KSR1: variants seen among roughly 807,000 people sequenced by gnomAD.
KSR1 encodes kinase suppressor of ras.
KSR1 carries 35 observed loss-of-function variants against 92.9 expected under a neutral mutation model. The ratio of observed to expected loss-of-function variants is 0.38; its 90% CI spans 0.29 to 0.50. The LOEUF is 0.50. KSR1 is among the 20% of genes least tolerant of loss of function. The pLI, the probability that KSR1 is intolerant of heterozygous loss-of-function variation, is 0.94. For synonymous variants in KSR1, 467 were observed against 472.6 expected (o/e 0.99, Z 0.15); for missense variants, 972 against 1,158.5 (o/e 0.84, Z 2.34).
intron 1 of KSR1, among the ~76,000 whole-genome samples, chr17:27,482,914 A>G (rs1217160725): frequency 1.1e-4 from 2 of 18,818 alleles, no homozygotes; most frequent in South Asian, 1.4e-3. Context: ...ATAAACCTAC[A>G]TGTCTCGTGT....
In KSR1 at chr17:27,559,662, A is replaced by G. The variant is rs1485407005; in HGVS notation, c.372+8954A>G. ...GGGTGAAACAGGAAGTGAGAGCCCC[A>G]GATGCCCTGATGGCTCCGGGATGGG... is the stretch of plus-strand genomic sequence containing the variant. On this transcript the variant is annotated intron_variant, in intron 2 of 20. Coordinates refer to ENST00000644974, the MANE Select transcript of KSR1 (RefSeq NM_001394583.1). The surrounding 1 kb of genome is among the most constrained non-coding windows in gnomAD (Gnocchi z 4.2). Among the ~76,000 whole-genome samples, 1 of 152,276 alleles carries G rather than the reference A, an allele frequency of 6.6e-6. No homozygotes were observed. The highest frequency in any genetic ancestry group is 1.9e-4 in the East Asian group (1 of 5,206).
intron 1 of KSR1, among the ~76,000 whole-genome samples, chr17:27,483,351 G>A (rs1434439460): frequency 3.9e-5 from 6 of 152,140 alleles, no homozygotes; most frequent in Non-Finnish European, 8.8e-5. Context: ...ACTTTGGGAG[G>A]CCAAGACGGG....
chr17:27,499,402 G>T (rs2069100386), intron 1 of KSR1, among the ~76,000 whole-genome samples: 1 of 152,208 alleles, frequency 6.6e-6, no homozygotes, highest in African/African-American at 2.4e-5. Context: ...GGAGATCAAG[G>T]CACCGGACAA....
chr17:27,512,082 C>T (rs1445272820), intron 1 of KSR1, among the ~76,000 whole-genome samples: 2 of 152,224 alleles, frequency 1.3e-5, no homozygotes, highest in African/African-American at 4.8e-5. Flanking sequence ...ATCCCCTCAT[C>T]AAGGTCCTGG....
At chr17:27,553,956 A>T (rs561941037) in intron 2 of KSR1, among the ~76,000 whole-genome samples, 62 of 152,200 alleles carry the variant, frequency 4.1e-4, no homozygotes, top group African/African-American at 1.3e-3. Flanking sequence ...GTGTGGGTCT[A>T]TTTTATTCTG....
At chr17:27,609,800 G>C (rs534125477) in intron 16 of KSR1, 6 of 399,886 alleles carry the variant, frequency 1.5e-5, no homozygotes, top group Admixed American at 1.2e-4. Flanking sequence ...CCAGCAGAGG[G>C]AGCTGGGCAC....
chr17:27,564,864 G>T (rs1242605696), intron 2 of KSR1, among the ~76,000 whole-genome samples: 1 of 151,792 alleles, frequency 6.6e-6, no homozygotes, highest in Non-Finnish European at 1.5e-5. Flanking sequence ...TTTGTCAGAG[G>T]CTTTGCAGCT....
chr17:27,467,328 C>A (rs2019743774), intron 1 of KSR1, among the ~76,000 whole-genome samples: 1 of 152,224 alleles, frequency 6.6e-6, no homozygotes, highest in Admixed American at 6.5e-5. Context: ...CTGGGCCAGG[C>A]CATAGTGATT....
rs528608610 is a variant in KSR1, at chr17:27,608,136, C to G, written c.2091+126C>G. Reference sequence around the variant, plus strand: ...GCTTTGCCTCTCCTTCTAGCTCAGGCTCCTCAAGGGTGGGACCCCATCTCT... The same window carrying G: ...GCTTTGCCTCTCCTTCTAGCTCAGGGTCCTCAAGGGTGGGACCCCATCTCT... On this transcript the variant is annotated intron_variant, in intron 15 of 20. Transcript: ENST00000644974. The G allele has an allele frequency of 2.4e-5, 16 of 661,552 alleles. No homozygotes were observed. In the African/African-American group the frequency reaches 2.9e-4, roughly 12 times the overall value. The allele number at this position is 661,552 out of a possible 1,614,324, so 41.0% of individuals were successfully genotyped here.
chr17:27,587,015 G>C (rs2072994251), intron 5 of KSR1: 1 of 152,262 alleles, frequency 6.6e-6, no homozygotes, highest in African/African-American at 2.4e-5. Flanking sequence ...CAGGATTAAA[G>C]GTGCCTGCCA....
rs529174838 is a variant in KSR1 at position 27,488,992 on chromosome 17, G to A, written c.231+32118G>A. Reference sequence around the variant, plus strand: ...AAAATTTTTTTTTAAAAAATGTCGTGTTGTCTCAGCATCTCTGACCTGTCA... The same window carrying A: ...AAAATTTTTTTTTAAAAAATGTCGTATTGTCTCAGCATCTCTGACCTGTCA... On this transcript the variant is annotated intron_variant, in intron 1 of 20. Coordinates refer to ENST00000644974, the MANE Select transcript of KSR1 (RefSeq NM_001394583.1). 2.6e-5 allele frequency among the ~76,000 whole-genome samples: 4 copies of A among 152,312 alleles called. No homozygotes were observed. In the East Asian group the frequency reaches 5.8e-4, roughly 22 times the overall value.
At chr17:27,530,652 T>G (rs1386125262) in intron 1 of KSR1, among the ~76,000 whole-genome samples, 1 of 152,194 alleles carries the variant, frequency 6.6e-6, no homozygotes, top group African/African-American at 2.4e-5. Flanking sequence ...TTATTCCCAT[T>G]CATAGCCTTA....
chr17:27,464,491 A>G (rs556297330), intron 1 of KSR1, among the ~76,000 whole-genome samples: 63 of 152,186 alleles, frequency 4.1e-4, no homozygotes, highest in Non-Finnish European at 8.4e-4. Flanking sequence ...CTGTAATCCT[A>G]TCCTGGATCC....
At chr17:27,562,166 A>G (rs2151116526) in intron 2 of KSR1, among the ~76,000 whole-genome samples, 1 of 152,258 alleles carries the variant, frequency 6.6e-6, no homozygotes, top group African/African-American at 2.4e-5. Context: ...TTTTTGATCA[A>G]TCCTTTGGAT....
At chr17:27,563,617 C>T (rs546629191) in intron 2 of KSR1, among the ~76,000 whole-genome samples, 91 of 152,306 alleles carry the variant, frequency 6.0e-4, no homozygotes, top group Non-Finnish European at 9.7e-4. Context: ...AAATCCAAAC[C>T]CTTCACCTAC....
Position 27,619,579 on chromosome 17 carries a change from G to A in KSR1, c.2628-1614G>A, listed in dbSNP as rs140631320. ...CACCCGGCTAATTTTTGTATTTTTAGTAGAGATGGGGTTTCACCATATTGG... is the reference window on the plus strand; with the variant it reads ...CACCCGGCTAATTTTTGTATTTTTAATAGAGATGGGGTTTCACCATATTGG... On this transcript the variant is annotated intron_variant, in intron 19 of 20. Transcript: ENST00000644974. Among the ~76,000 whole-genome samples, 634 of 151,792 alleles carry A rather than the reference G, an allele frequency of 4.2e-3. 6 individuals are homozygous for A. Among genetic ancestry groups the A allele is most frequent in the Middle Eastern group, 0.01 (3 of 294 alleles).
intron 1 of KSR1, among the ~76,000 whole-genome samples, chr17:27,482,709 A>T (rs2068545501): frequency 6.6e-6 from 1 of 152,222 alleles, no homozygotes; most frequent in Non-Finnish European, 1.5e-5. Context: ...TTGAGAAGAT[A>T]TTAATGATGA....
chr17:27,582,732 G>A lies in KSR1; in HGVS notation c.607G>A (p.Ala203Thr). The A allele has an allele frequency of 6.2e-7, 1 of 1,613,892 alleles. No individual in the cohort carries two copies. The highest frequency in any genetic ancestry group is 8.5e-7 in the Non-Finnish European group (1 of 1,179,854). ...AGGGCCTTCCACGGACACCCTCTCA[G>A]CAGCCAGCCTGCCCTGGCCCCCAGG... ...GSGPSTDTLS[A>T]ASLPWPPGSS... is the part of the protein sequence containing the mutation. Residue 203 changes from alanine to threonine, a missense_variant, in exon 4 of 21, where the codon GCA (alanine) becomes ACA (threonine). Around this residue, in one of 5 missense-constraint regions of KSR1, gnomAD observed 611 missense variants for 668.0 expected, o/e 0.91. Coordinates refer to ENST00000644974, the MANE Select transcript of KSR1 (RefSeq NM_001394583.1).
At position 27,467,080 on chromosome 17, in the gene KSR1, C is replaced by T. The variant is rs117554870; in HGVS notation, c.231+10206C>T. On this transcript the variant is annotated intron_variant, in intron 1 of 20. Coordinates refer to ENST00000644974, the MANE Select transcript of KSR1 (RefSeq NM_001394583.1). ...CTTGTGAGGAAGGTCTTCTCGCTGT[C>T]CCCATTTTACAGATGAAGAAACTGA... Among the ~76,000 whole-genome samples the T allele has an allele frequency of 8.7e-3, 1,331 of 152,314 alleles. 13 individuals carry two copies. Among genetic ancestry groups the T allele is most frequent in the Non-Finnish European group, 0.015 (987 of 68,024 alleles).
Sources: gnomAD v4.1 joint callset for allele counts (sites outside exome capture counted in the v4.1 genomes callset) on GRCh38, gnomAD v4.1.1 for gene constraint, gnomAD v4.1.1 regional missense constraint, Gnocchi (gnomAD v3.1) non-coding constraint, MANE v1.5 for transcripts, NCBI Gene and HGNC (gene_info 2026-07-23, HGNC 2026-07-21) for gene names.